The following ADGRL2 variants were observed in gnomAD, a reference collection of about 807,000 sequenced individuals.
ADGRL2 encodes adhesion G protein-coupled receptor L2.
In ADGRL2, 44 loss-of-function variants were observed where a neutral mutation model predicts 157.4. The ratio of observed to expected loss-of-function variants is 0.28; its 90% confidence interval spans 0.22 to 0.36. The LOEUF is 0.36. Ranked by LOEUF, ADGRL2 falls within the 10% of genes least tolerant of loss-of-function variation. The pLI, the probability that ADGRL2 is intolerant of heterozygous loss-of-function variation, is 1.00. For missense variants in ADGRL2, 1,510 were observed against 1,768.9 expected, an observed-to-expected ratio of 0.85 and a Z score of 2.63; for synonymous variants, 585 against 624.7, an observed-to-expected ratio of 0.94 and a Z score of 0.95.
intron 1 of ADGRL2, among the ~76,000 whole-genome samples, chr1:81,360,773 A>G (rs950542808): frequency 4.6e-5 from 7 of 151,948 alleles, no homozygotes; most frequent in African/African-American, 1.7e-4. Context: ...AGGAAGAAAA[A>G]GAAATTACAC....
chr1:81,916,229 C>T (rs777433979), intron 3 of ADGRL2, among the ~76,000 whole-genome samples: 1 of 152,066 alleles, frequency 6.6e-6, no homozygotes, highest in Non-Finnish European at 1.5e-5. Flanking sequence ...TTTCATAAGA[C>T]TATTTTCAGA....
intron 1 of ADGRL2, among the ~76,000 whole-genome samples, chr1:81,801,917 T>C (rs2088232489): frequency 6.6e-6 from 1 of 151,956 alleles, no homozygotes; most frequent in South Asian, 2.1e-4. Context: ...GGTGTGTGCG[T>C]GTGTGTGAAA....
intron 11 of ADGRL2, among the ~76,000 whole-genome samples, chr1:81,957,890 G>A (rs1654084414): frequency 1.3e-5 from 2 of 151,670 alleles, no homozygotes; most frequent in Non-Finnish European, 2.9e-5. Context: ...TTACGGCCGG[G>A]CATGGTGGCT....
intron 1 of ADGRL2, among the ~76,000 whole-genome samples, chr1:81,801,627 C>G (rs758180155): frequency 1.7e-3 from 266 of 152,328 alleles, no homozygotes; most frequent in Non-Finnish European, 3.0e-3. Context: ...CAGCGGCCAC[C>G]GCTCAGCCCC....
chr1:81,679,102 G>A (rs569780957), intron 3 of ADGRL2, among the ~76,000 whole-genome samples: 5 of 152,258 alleles, frequency 3.3e-5, no homozygotes, highest in African/African-American at 9.6e-5. Flanking sequence ...GGTGGACCTC[G>A]AAATTGTTTC....
chr1:81,582,258 G>C (rs2080931996), intron 3 of ADGRL2, among the ~76,000 whole-genome samples: 1 of 151,952 alleles, frequency 6.6e-6, no homozygotes, highest in African/African-American at 2.4e-5. Flanking sequence ...ATGTTAAGGG[G>C]AGAAAACTTC....
At chr1:81,453,314 T>C (rs552076094) in intron 2 of ADGRL2, among the ~76,000 whole-genome samples, 1 of 152,252 alleles carries the variant, frequency 6.6e-6, no homozygotes, top group Non-Finnish European at 1.5e-5. Flanking sequence ...GGAAATTGCG[T>C]TGGCACCAGG....
intron 2 of ADGRL2, among the ~76,000 whole-genome samples, chr1:81,482,358 C>T (rs748663326): frequency 6.6e-6 from 1 of 152,196 alleles, no homozygotes; most frequent in South Asian, 2.1e-4. Flanking sequence ...TGTAATTTTT[C>T]TTTTGCCATC....
At chr1:81,693,181 C>T (rs1282264650) in intron 3 of ADGRL2, among the ~76,000 whole-genome samples, 1 of 152,106 alleles carries the variant, frequency 6.6e-6, no homozygotes, top group Non-Finnish European at 1.5e-5. Flanking sequence ...CACAATTGCC[C>T]AAGAGCTCAC....
intron 2 of ADGRL2, among the ~76,000 whole-genome samples, chr1:81,513,360 G>T (rs1313923630): frequency 6.6e-6 from 1 of 152,202 alleles, no homozygotes; most frequent in Non-Finnish European, 1.5e-5. Context: ...TGTTCTTGAT[G>T]ACTTATTTAA....
At chr1:81,520,853 C>T (rs923617391) in intron 2 of ADGRL2, among the ~76,000 whole-genome samples, 17 of 152,306 alleles carry the variant, frequency 1.1e-4, no homozygotes, top group African/African-American at 3.1e-4. Flanking sequence ...TGGCATTCCA[C>T]GAAGTCCTGA....
At chr1:81,438,389 T>C (rs990630016) in intron 1 of ADGRL2, among the ~76,000 whole-genome samples, 3 of 152,214 alleles carry the variant, frequency 2.0e-5, no homozygotes, top group Non-Finnish European at 4.4e-5. Context: ...CATTCATCAC[T>C]TCCTAATTAT....
At chr1:81,954,185 G>A (rs1652723307) in intron 10 of ADGRL2, among the ~76,000 whole-genome samples, 1 of 151,376 alleles carries the variant, frequency 6.6e-6, no homozygotes, top group Non-Finnish European at 1.5e-5. Flanking sequence ...TGTTGCCCAG[G>A]ACATACATCG....
intron 1 of ADGRL2, among the ~76,000 whole-genome samples, chr1:81,700,022 A>AAATGCAG (rs548089265): frequency 3.8e-4 from 58 of 152,326 alleles, no homozygotes; most frequent in African/African-American, 1.3e-3. Flanking sequence ...CTGGCTAATG[A>AAATGCAG]AATGCAGAGA....
chr1:81,897,685 TAGAGTGTCC>T (rs1331500125), intron 2 of ADGRL2, among the ~76,000 whole-genome samples: 1 of 152,150 alleles, frequency 6.6e-6, no homozygotes, highest in Non-Finnish European at 1.5e-5. Flanking sequence ...TTAGAGCATC[TAGAGTGTCC>T]AGAATTTTGT....
chr1:81,403,350 C>T (rs1318496408), intron 1 of ADGRL2, among the ~76,000 whole-genome samples: 2 of 152,000 alleles, frequency 1.3e-5, no homozygotes, highest in Non-Finnish European at 2.9e-5. Flanking sequence ...CTGCAACCTC[C>T]TCCTCTCGGG....
At chr1:81,626,545 A>G (rs1286377736) in intron 3 of ADGRL2, among the ~76,000 whole-genome samples, 2 of 152,216 alleles carry the variant, frequency 1.3e-5, no homozygotes, top group African/African-American at 4.8e-5. Flanking sequence ...AAGTGCTGGG[A>G]TTACAGGCGT....
At chr1:81,758,342 A>G (rs1475301526) in intron 1 of ADGRL2, among the ~76,000 whole-genome samples, 2 of 152,174 alleles carry the variant, frequency 1.3e-5, no homozygotes, top group Non-Finnish European at 2.9e-5. Context: ...AGCCAAGTCA[A>G]GACTGAAAGG....
intron 2 of ADGRL2, among the ~76,000 whole-genome samples, chr1:81,890,461 C>G (rs1365415704): frequency 1.3e-5 from 2 of 152,056 alleles, no homozygotes; most frequent in Non-Finnish European, 2.9e-5. Context: ...TTCAGCATGT[C>G]AAGGTTAACT....
Sources: allele counts gnomAD v4.1 joint callset (sites outside exome capture counted in the v4.1 genomes callset), GRCh38; gene constraint gnomAD v4.1.1; transcripts MANE v1.5; gene names NCBI Gene and HGNC (gene_info 2026-07-23, HGNC 2026-07-21).